Variants in SUN5 observed in about 807,000 individuals in gnomAD.
SUN5 encodes SUN domain-containing protein 5.
A neutral mutation model predicts 53.7 loss-of-function variants in SUN5; 44 were observed. The observed-to-expected ratio is 0.82, with a 90% CI of 0.64 to 1.05. The LOEUF is 1.05. Among genes scored for constraint, SUN5 ranks in the 50% least tolerant of loss-of-function variants. The probability of loss-of-function intolerance (pLI) is 0.00; values close to 1 mark genes in which losing one functional copy is unlikely to be tolerated. For synonymous variants in SUN5, 166 were observed against 179.8 expected, an observed-to-expected ratio of 0.92 and a Z score of 0.62; for missense variants, 433 against 483.8, an observed-to-expected ratio of 0.90 and a Z score of 0.98.
intron 9 of SUN5, among the ~76,000 whole-genome samples, 195 bp downstream of exon 9, chr20:32,989,425 C>T (rs572533973): frequency 6.7e-6 from 1 of 148,892 alleles, no homozygotes; most frequent in South Asian, 2.2e-4. Flanking sequence ...CACCCCACCC[C>T]ACCCCTACCC....
Position 32,983,809 on chromosome 20 carries a change from G to A in SUN5, c.1125C>T (p.Tyr375=), listed in dbSNP as rs1363072152. The A allele has an allele frequency of 2.6e-6, 4 of 1,553,562 alleles. 1 individual carries two copies. In the South Asian group the frequency reaches 5.0e-5, roughly 19 times the overall value. ...PPREQPHQNP[Y]PKRD ...AGAATAAATTTTAATCTCTCTTAGGGTAGGGGTTCTGGTGAGGCTGCTCTC... is the reference window on the plus strand; with the variant it reads ...AGAATAAATTTTAATCTCTCTTAGGATAGGGGTTCTGGTGAGGCTGCTCTC... The change falls in exon 13 of 13, where the codon TAC becomes TAT. Residue 375 remains tyrosine (Y), a synonymous_variant. Coordinates refer to ENST00000356173, the MANE Select transcript of SUN5 (RefSeq NM_080675.4).
intron 6 of SUN5, 127 bp from the exon 7 acceptor site, chr20:32,996,485 C>T: frequency 1.4e-6 from 1 of 731,382 alleles, no homozygotes; most frequent in East Asian, 2.8e-5. Context: ...GTTGACTCTT[C>T]CACCCGTCTA....
chr20:32,990,535 A>T (rs7274394), intron 8 of SUN5, among the ~76,000 whole-genome samples: 52,385 of 151,958 alleles, frequency 0.34, 9,715 homozygotes, highest in East Asian at 0.79. Context: ...GCTGTGTGAC[A>T]TCTAGGGCTA....
intron 5 of SUN5, chr20:32,999,855 A>G: frequency 2.0e-6 from 3 of 1,478,764 alleles, no homozygotes; most frequent in Non-Finnish European, 2.7e-6. Context: ...AATGTTCATA[A>G]CACGGTTTGG....
intron 12 of SUN5, 120 bp downstream of exon 12, chr20:32,984,979 C>G (rs1220239064): frequency 2.1e-5 from 21 of 1,012,994 alleles, no homozygotes; most frequent in Non-Finnish European, 2.8e-5. Flanking sequence ...GCCTGTCAAA[C>G]AGGTTAGTCA....
rs758736650 is a variant in SUN5, at chr20:32,985,145, G to GCC, written c.936_937dup (p.Ala313GlyfsTer29). The GCC allele has an allele frequency of 1.2e-6, 2 of 1,614,076 alleles. No individual in the cohort carries two copies. Among genetic ancestry groups the GCC allele is most frequent in the South Asian group, 2.2e-5 (2 of 91,070 alleles). On this transcript the variant is annotated frameshift_variant, in exon 12 of 13. Transcript: ENST00000356173. LOFTEE classifies it high-confidence loss of function. ...GATGTTTTCTGGCTGAAACTGAAAT[G>GCC]CCCCCAGGAACACCTCCTCCTTGGG... is the stretch of plus-strand genomic sequence containing the variant.
At chr20:33,002,724 T>G (rs41305793) in intron 2 of SUN5, 63 bp from the exon 3 acceptor site, 344,835 of 1,603,856 alleles carry the variant, frequency 0.22, 39,603 homozygotes, top group Non-Finnish European at 0.23. Flanking sequence ...TGCAGAGACC[T>G]AGGGAGCACC....
In SUN5 at chr20:32,985,919, A is replaced by G; in HGVS notation, c.730-16T>C. 1 of 1,611,662 alleles carries G rather than the reference A, an allele frequency of 6.2e-7. No homozygotes were observed. The highest frequency in any genetic ancestry group is 8.5e-7 in the Non-Finnish European group (1 of 1,178,520). ...TCACGTTGGGCTAGAAGAGGCAAGT[A>G]CAATAAGGGATATGCTGGGTGGGTA... On this transcript the variant is annotated splice_polypyrimidine_tract_variant and intron_variant, in intron 10 of 12. Transcript: ENST00000356173.
intron 9 of SUN5, among the ~76,000 whole-genome samples, chr20:32,988,558 C>A (rs1042819939): frequency 6.6e-6 from 1 of 151,922 alleles, no homozygotes; most frequent in African/African-American, 2.4e-5. Flanking sequence ...CTTATTCTTC[C>A]GGAAGCACTG....
At position 32,991,058 on chromosome 20, in the gene SUN5, C is replaced by T. The variant is rs958515968; in HGVS notation, c.535-1360G>A. On this transcript the variant is annotated intron_variant, in intron 8 of 12. Transcript: ENST00000356173. ...AAGGCAAAAAAATCCCCAACTCCTC[C>T]CCTCGTTTACTGGGGACAATAATCT... Among the ~76,000 whole-genome samples, 4 of 152,180 alleles carry T rather than the reference C, an allele frequency of 2.6e-5. No homozygotes were observed. In the South Asian group the frequency reaches 6.2e-4, roughly 24 times the overall value.
At chr20:33,002,472 A>G in intron 3 of SUN5, 115 bp downstream of exon 3, 1 of 965,562 alleles carries the variant, frequency 1.0e-6, no homozygotes, top group Non-Finnish European at 1.6e-6. Context: ...GCAGCTCCCC[A>G]CCACCCCTGC....
chr20:32,986,265 A>G (rs994447230), intron 10 of SUN5, among the ~76,000 whole-genome samples: 2 of 152,068 alleles, frequency 1.3e-5, no homozygotes, highest in African/African-American at 2.4e-5. Flanking sequence ...CATCATCACT[A>G]TCCCCGTTTT....
Position 32,996,372 on chromosome 20 carries a change from G to T in SUN5, c.391-14C>A, listed in dbSNP as rs6141862. 6.2e-7 allele frequency: 1 copy of T among 1,610,664 alleles called. No homozygotes were observed. The highest frequency in any genetic ancestry group is 1.1e-5 in the South Asian group (1 of 90,690). ...TATGCTGTCATCCTGGTGGAGTATT[G>T]AGAAAGTAAGGGGTCTCCTTCAGAT... On this transcript the variant is annotated splice_polypyrimidine_tract_variant and intron_variant, in intron 6 of 12. Coordinates refer to ENST00000356173, the MANE Select transcript of SUN5 (RefSeq NM_080675.4).
chr20:32,985,882 A>C lies in SUN5; in HGVS notation c.751T>G (p.Cys251Gly), dbSNP rs1464063953. The change falls in exon 11 of 13, where the codon TGC becomes GGC. Residue 251 changes from cysteine (C) to glycine (G), a missense_variant. Transcript: ENST00000356173. ...CCGCGGTCACCCTCAAAGGCCCAGC[A>C]ATTGCCAGGTGTCACGTTGGGCTAG... ...ILEPNVTPGN[C>G]WAFEGDRGQV... 2.5e-6 allele frequency: 4 copies of C among 1,614,000 alleles called. No individual in the cohort carries two copies. The highest frequency in any genetic ancestry group is 3.4e-6 in the Non-Finnish European group (4 of 1,179,924).
intron 8 of SUN5, among the ~76,000 whole-genome samples, chr20:32,990,182 C>T (rs1989675291): frequency 6.6e-6 from 1 of 152,160 alleles, no homozygotes; most frequent in African/African-American, 2.4e-5. Flanking sequence ...TATTATCATC[C>T]TTGTATTAAA....
chr20:33,003,025 GT>G, intron 1 of SUN5, 106 bp from the exon 2 acceptor site: 2 of 1,289,604 alleles, frequency 1.6e-6, no homozygotes, highest in South Asian at 2.7e-5. Flanking sequence ...TACAGAGAAG[GT>G]TTCCCAACAC....
chr20:32,984,091 T>C, intron 12 of SUN5, 142 bp from the exon 13 acceptor site: 1 of 986,730 alleles, frequency 1.0e-6, no homozygotes, highest in Non-Finnish European at 1.4e-6. Flanking sequence ...TCCCAAGGCC[T>C]CACAGCAAGT....
chr20:32,987,882 C>T, intron 9 of SUN5, 107 bp from the exon 10 acceptor site: 2 of 767,340 alleles, frequency 2.6e-6, no homozygotes, highest in Non-Finnish European at 4.4e-6. Context: ...TTGGATGAGT[C>T]ACTGGCCCTG....
In SUN5 at chr20:32,983,821, G is replaced by T. The variant is rs148795260; in HGVS notation, c.1113C>A (p.His371Gln). The T allele has an allele frequency of 3.4e-5, 54 of 1,567,314 alleles. No homozygotes were observed. The African/African-American group carries it at 7.1e-4, about 21-fold the overall frequency. Residue 371 changes from histidine (H) to glutamine (Q), a missense_variant, in exon 13 of 13, where the codon CAC becomes CAA. By Grantham distance (24) the His-to-Gln change is conservative. Coordinates refer to ENST00000356173, the MANE Select transcript of SUN5 (RefSeq NM_080675.4). ...AATCTCTCTTAGGGTAGGGGTTCTGGTGAGGCTGCTCTCTGGGCGGGGCCA... is the reference window on the plus strand; with the variant it reads ...AATCTCTCTTAGGGTAGGGGTTCTGTTGAGGCTGCTCTCTGGGCGGGGCCA... ...GSVAPPREQP[H>Q]QNPYPKRD
Sources: gnomAD v4.1 joint callset for allele counts (sites outside exome capture counted in the v4.1 genomes callset) on GRCh38, gnomAD v4.1.1 for gene constraint, MANE v1.5 for transcripts, NCBI Gene and HGNC (gene_info 2026-07-23, HGNC 2026-07-21) for gene names.